Variants in CDH18 observed in about 807,000 individuals in gnomAD.
CDH18 encodes cadherin 18, also known as cadherin-18.
A neutral mutation model predicts 67.9 loss-of-function variants in CDH18; 31 were observed. That is an observed-to-expected ratio of 0.46 (90% CI 0.34 to 0.62). CDH18 has a LOEUF of 0.62. Among genes scored for constraint, CDH18 ranks in the 20% least tolerant of loss-of-function variants. The pLI, the probability that CDH18 is intolerant of heterozygous loss-of-function variation, is 0.01. For missense variants in CDH18, 890 were observed against 975.5 expected, an observed-to-expected ratio of 0.91 and a Z score of 1.17; for synonymous variants, 362 against 347.2, an observed-to-expected ratio of 1.04 and a Z score of -0.48.
At chr5:19,912,191 A>C (rs1057059976) in intron 2 of CDH18, among the ~76,000 whole-genome samples, 33 of 152,044 alleles carry the variant, frequency 2.2e-4, no homozygotes, top group Admixed American at 4.6e-4. Flanking sequence ...AATAAAAAAA[A>C]AACACTTAAC....
intron 1 of CDH18, among the ~76,000 whole-genome samples, chr5:20,278,135 A>C (rs1745945761): frequency 6.6e-6 from 1 of 152,188 alleles, no homozygotes; most frequent in Non-Finnish European, 1.5e-5. Flanking sequence ...ATCAAGAAAA[A>C]TATACAACAT....
At chr5:20,495,221 A>T (rs1260598911) in intron 1 of CDH18, among the ~76,000 whole-genome samples, 3 of 152,126 alleles carry the variant, frequency 2.0e-5, no homozygotes, top group Admixed American at 1.3e-4. Flanking sequence ...CTTTGGTTAC[A>T]TCCTCAGTCA....
intron 8 of CDH18, among the ~76,000 whole-genome samples, chr5:19,545,972 G>C (rs1166368396): frequency 2.0e-5 from 3 of 152,144 alleles, no homozygotes; most frequent in Non-Finnish European, 4.4e-5. Flanking sequence ...ATTGAGTATA[G>C]AGCAGGTCAG....
chr5:20,151,292 T>C (rs1359672163), intron 2 of CDH18, among the ~76,000 whole-genome samples: 2 of 152,146 alleles, frequency 1.3e-5, no homozygotes, highest in Admixed American at 1.3e-4. Context: ...TCCAGCTCCA[T>C]CCATGTTTGC....
intron 4 of CDH18, among the ~76,000 whole-genome samples, chr5:19,722,959 G>A (rs1766304607): frequency 6.6e-6 from 1 of 152,080 alleles, no homozygotes; most frequent in Non-Finnish European, 1.5e-5. Flanking sequence ...GCCCGGGCAT[G>A]GTGGCTCATG....
chr5:19,571,907 G>A (rs930971744), intron 7 of CDH18, 75 bp from the exon 8 acceptor site: 18 of 1,177,110 alleles, frequency 1.5e-5, no homozygotes, highest in Non-Finnish European at 1.9e-5. Flanking sequence ...TTTCAAATAT[G>A]CATTATTTTT....
intron 10 of CDH18, among the ~76,000 whole-genome samples, chr5:19,514,333 T>C (rs1024180935): frequency 5.3e-5 from 8 of 152,222 alleles, no homozygotes; most frequent in African/African-American, 1.9e-4. Flanking sequence ...TATAGTAGCA[T>C]GGTGTATAAT....
chr5:19,732,638 T>C (rs1767767171), intron 4 of CDH18, among the ~76,000 whole-genome samples: 5 of 152,222 alleles, frequency 3.3e-5, no homozygotes, highest in Admixed American at 1.3e-4. Flanking sequence ...TGAACACCCA[T>C]GGGAATATCT....
chr5:19,960,237 A>C (rs1209190224), intron 2 of CDH18, among the ~76,000 whole-genome samples: 2 of 152,112 alleles, frequency 1.3e-5, no homozygotes, highest in African/African-American at 4.8e-5. Context: ...AATAACAATT[A>C]GCTTAAAACA....
At chr5:19,837,788 G>C (rs1781844042) in intron 3 of CDH18, among the ~76,000 whole-genome samples, 1 of 129,290 alleles carries the variant, frequency 7.7e-6, no homozygotes, top group Non-Finnish European at 1.7e-5. Flanking sequence ...CAGTGCTAAA[G>C]TGAGAATAAA....
At chr5:20,199,962 C>G (rs760422170) in intron 2 of CDH18, among the ~76,000 whole-genome samples, 3 of 152,108 alleles carry the variant, frequency 2.0e-5, no homozygotes, top group South Asian at 2.1e-4. Context: ...CTGAGGCCTC[C>G]CCGGCCATAT....
At chr5:20,499,286 A>G (rs1754099222) in intron 1 of CDH18, among the ~76,000 whole-genome samples, 1 of 152,080 alleles carries the variant, frequency 6.6e-6, no homozygotes, top group African/African-American at 2.4e-5. Flanking sequence ...TCATCTCTCT[A>G]TTACTTAGAA....
At chr5:20,049,440 A>G (rs974613608) in intron 2 of CDH18, among the ~76,000 whole-genome samples, 6 of 57,642 alleles carry the variant, frequency 1.0e-4, no homozygotes, top group African/African-American at 1.9e-4. Flanking sequence ...TAATCTATAC[A>G]ACAAACCCCC....
chr5:20,161,940 G>T (rs1476931813), intron 2 of CDH18, among the ~76,000 whole-genome samples: 1 of 151,878 alleles, frequency 6.6e-6, no homozygotes, highest in Admixed American at 6.6e-5. Context: ...AATTCTCAGT[G>T]ATTTTTTTTT....
chr5:20,553,229 A>G (rs1375450086), intron 1 of CDH18, among the ~76,000 whole-genome samples: 1 of 152,152 alleles, frequency 6.6e-6, no homozygotes, highest in Non-Finnish European at 1.5e-5. Flanking sequence ...ATATTCCTCA[A>G]AGTTAATCTG....
At chr5:20,315,571 T>C (rs1177188807) in intron 1 of CDH18, among the ~76,000 whole-genome samples, 1 of 152,086 alleles carries the variant, frequency 6.6e-6, no homozygotes, top group African/African-American at 2.4e-5. Flanking sequence ...CTTTTTCGAC[T>C]TCACCTCTTA....
At chr5:20,190,784 A>C (rs1191533041) in intron 2 of CDH18, among the ~76,000 whole-genome samples, 1 of 152,114 alleles carries the variant, frequency 6.6e-6, no homozygotes, top group Non-Finnish European at 1.5e-5. Context: ...GAGACCTATT[A>C]CCACCAGCTA....
chr5:20,115,268 A>ACCTTT (rs1747791003), intron 2 of CDH18, among the ~76,000 whole-genome samples: 2 of 42,654 alleles, frequency 4.7e-5, no homozygotes, highest in Admixed American at 2.9e-4. Flanking sequence ...TCAGGGCCTC[A>ACCTTT]TCTTTTTTTT....
Position 19,473,622 on chromosome 5 carries a change from A to G in CDH18, c.1977T>C (p.Asp659=). 1 of 1,613,862 alleles carries G rather than the reference A, an allele frequency of 6.2e-7. No individual in the cohort carries two copies. The highest frequency in any genetic ancestry group is 8.5e-7 in the Non-Finnish European group (1 of 1,179,844). The change falls in exon 13 of 13, where the codon GAT becomes GAC. Residue 659 remains aspartate (D), a synonymous_variant. Coordinates refer to ENST00000382275, the MANE Select transcript of CDH18 (RefSeq NM_004934.5). ...TGTCTTCCTCTCCGCCTCCTTCATCATCATAGGTGACCACGTTCTCCCGTA... is the reference window on the plus strand; with the variant it reads ...TGTCTTCCTCTCCGCCTCCTTCATCGTCATAGGTGACCACGTTCTCCCGTA... ...EDVRENVVTY[D]DEGGGEEDTE...
Sources: allele counts gnomAD v4.1 joint callset (sites outside exome capture counted in the v4.1 genomes callset), GRCh38; gene constraint gnomAD v4.1.1; transcripts MANE v1.5; gene names NCBI Gene and HGNC (gene_info 2026-07-23, HGNC 2026-07-21).